Variants in KATNBL1 observed in about 807,000 individuals in gnomAD.
KATNBL1 encodes the protein katanin regulatory subunit B1 like 1.
KATNBL1 carries 28 observed loss-of-function variants against 44.7 expected under a neutral mutation model. The ratio of observed to expected loss-of-function variants is 0.63; its 90% CI spans 0.46 to 0.86. The LOEUF (loss-of-function observed/expected upper bound fraction) is 0.86. KATNBL1 is among the 40% of genes least tolerant of loss of function. KATNBL1 has a pLI of 0.00. For missense variants in KATNBL1, 272 were observed against 350.7 expected, an observed-to-expected ratio of 0.78 and a Z score of 1.79; for synonymous variants, 78 against 114.9, an observed-to-expected ratio of 0.68 and a Z score of 2.06.
chr15:34,147,128 T>A lies in KATNBL1; in HGVS notation c.698+72A>T, dbSNP rs1033051576. The A allele has an allele frequency of 1.1e-5, 10 of 903,636 alleles. No individual in the cohort carries two copies. The African/African-American group carries it at 1.3e-4, about 12-fold the overall frequency. The allele number at this position is 903,636 out of a possible 1,614,324, so 56.0% of individuals were successfully genotyped here. A position where few individuals can be genotyped will look rare whatever the true frequency, so the allele number is the denominator to read the frequency against. On this transcript the variant is annotated intron_variant, in intron 7 of 9. Coordinates refer to ENST00000256544, the MANE Select transcript of KATNBL1 (RefSeq NM_024713.3). Reference sequence around the variant, plus strand: ...GCATGTCTCATGGAGCCCAATCTACTATGTACTCACAAAGCACAAAATCAA... The same window carrying A: ...GCATGTCTCATGGAGCCCAATCTACAATGTACTCACAAAGCACAAAATCAA...
At chr15:34,151,803 A>T (rs370517179) in intron 4 of KATNBL1, among the ~76,000 whole-genome samples, 2 of 152,026 alleles carry the variant, frequency 1.3e-5, no homozygotes, top group Non-Finnish European at 2.9e-5. Flanking sequence ...CACTCTCAAA[A>T]ACGCTTTTGA....
chr15:34,169,751 G>A (rs575716424), intron 1 of KATNBL1, among the ~76,000 whole-genome samples: 6 of 152,208 alleles, frequency 3.9e-5, no homozygotes, highest in South Asian at 2.1e-4. Context: ...CGATCAAGTC[G>A]GCTTCATCCC....
intron 9 of KATNBL1, among the ~76,000 whole-genome samples, chr15:34,144,131 T>C (rs1043858241): frequency 6.6e-6 from 1 of 151,828 alleles, no homozygotes; most frequent in African/African-American, 2.4e-5. Flanking sequence ...AGAGCTCCTC[T>C]GTGGCTGTCA....
intron 2 of KATNBL1, among the ~76,000 whole-genome samples, chr15:34,162,041 A>C (rs1888823575): frequency 6.6e-6 from 1 of 152,218 alleles, no homozygotes; most frequent in Admixed American, 6.5e-5. Context: ...AACAAATCTA[A>C]AATTCAACAG....
chr15:34,154,541 G>A (rs780094719), intron 3 of KATNBL1, 103 bp downstream of exon 3: 8 of 759,584 alleles, frequency 1.1e-5, no homozygotes, highest in Non-Finnish European at 1.8e-5. Context: ...TTGACAATAA[G>A]TTAATTATTA....
Position 34,163,749 on chromosome 15 carries a change from C to T in KATNBL1, c.-14-59G>A, listed in dbSNP as rs1009930281. ...GCAAAAAGAGTCTGATCATTTTTAACACACACACAAACATACAACAGTAGC... is the reference window on the plus strand; with the variant it reads ...GCAAAAAGAGTCTGATCATTTTTAATACACACACAAACATACAACAGTAGC... On this transcript the variant is annotated intron_variant, in intron 1 of 9. Coordinates refer to ENST00000256544, the MANE Select transcript of KATNBL1 (RefSeq NM_024713.3). 3.2e-6 allele frequency: 3 copies of T among 939,594 alleles called. 1 individual carries two copies. The highest frequency in any genetic ancestry group is 4.8e-6 in the Non-Finnish European group (3 of 628,648). 58.2% of individuals were successfully genotyped at this position (939,594 alleles called of 1,614,324 possible).
At chr15:34,152,423 C>CA (rs1221297057) in intron 4 of KATNBL1, among the ~76,000 whole-genome samples, 1 of 152,146 alleles carries the variant, frequency 6.6e-6, no homozygotes. Context: ...AGGCTGGTCT[C>CA]AAACGCCTAA....
chr15:34,174,533 C>G (rs1889264092), intron 1 of KATNBL1, among the ~76,000 whole-genome samples: 2 of 152,046 alleles, frequency 1.3e-5, no homozygotes, highest in African/African-American at 4.8e-5. Context: ...AATTAAAAGC[C>G]AGAGATTGAT....
chr15:34,143,363 G>T (rs748260752), intron 9 of KATNBL1, among the ~76,000 whole-genome samples: 34 of 151,998 alleles, frequency 2.2e-4, no homozygotes, highest in Admixed American at 8.5e-4. Context: ...TACTCGGGAG[G>T]CTGAGGCAGG....
intron 1 of KATNBL1, among the ~76,000 whole-genome samples, chr15:34,181,711 TGG>T (rs67267675): frequency 0.3 from 4,344 of 14,690 alleles, 1,777 homozygotes; most frequent in South Asian, 0.45. Context: ...TCCATATATA[TGG>T]ACATATATAT....
chr15:34,165,757 G>A (rs1014736098), intron 1 of KATNBL1, among the ~76,000 whole-genome samples: 1 of 152,116 alleles, frequency 6.6e-6, no homozygotes, highest in Non-Finnish European at 1.5e-5. Context: ...TCATGCCACT[G>A]CACTCCAGCC....
At chr15:34,146,566 G>T in intron 8 of KATNBL1, 195 bp downstream of exon 8, 1 of 529,658 alleles carries the variant, frequency 1.9e-6, no homozygotes, top group Non-Finnish European at 3.4e-6. Context: ...GATACAGGAG[G>T]TTAGTAGGCT....
At chr15:34,174,900 C>T (rs982985804) in intron 1 of KATNBL1, among the ~76,000 whole-genome samples, 1 of 152,048 alleles carries the variant, frequency 6.6e-6, no homozygotes, top group South Asian at 2.1e-4. Context: ...CCTCAGCCTC[C>T]CAAAGTGCCG....
At chr15:34,143,795 A>C (rs12907063) in intron 9 of KATNBL1, among the ~76,000 whole-genome samples, 1 of 52,082 alleles carries the variant, frequency 1.9e-5, no homozygotes, top group Non-Finnish European at 3.8e-5. Context: ...TAAAAATACA[A>C]AAAAAAAAAA....
At chr15:34,181,639 TAC>T (rs1889539471) in intron 1 of KATNBL1, among the ~76,000 whole-genome samples, 1 of 125,274 alleles carries the variant, frequency 8.0e-6, no homozygotes. Flanking sequence ...TCCATATATA[TAC>T]ACATATATAT....
chr15:34,172,052 G>A (rs768090385), intron 1 of KATNBL1, among the ~76,000 whole-genome samples: 22 of 151,932 alleles, frequency 1.4e-4, no homozygotes, highest in Non-Finnish European at 2.9e-4. Context: ...TGCATGTTGT[G>A]CACATGTACC....
At chr15:34,172,760 G>GACACACACACAC (rs34182114) in intron 1 of KATNBL1, among the ~76,000 whole-genome samples, 35 of 146,546 alleles carry the variant, frequency 2.4e-4, no homozygotes, top group African/African-American at 6.5e-4. Context: ...CACAGACACA[G>GACACACACACAC]ACACACACAC....
At chr15:34,148,540 A>G in intron 5 of KATNBL1, 92 bp downstream of exon 5, 1 of 716,574 alleles carries the variant, frequency 1.4e-6, no homozygotes, top group Non-Finnish European at 2.5e-6. Context: ...GTGAGCCATG[A>G]TTGTGCCACT....
chr15:34,160,215 T>C (rs1308821805), intron 2 of KATNBL1, among the ~76,000 whole-genome samples: 1 of 152,212 alleles, frequency 6.6e-6, no homozygotes, highest in Non-Finnish European at 1.5e-5. Flanking sequence ...CTTTACTCTT[T>C]TGTACCCTTC....
Sources: gnomAD v4.1 joint callset for allele counts (sites outside exome capture counted in the v4.1 genomes callset) on GRCh38, gnomAD v4.1.1 for gene constraint, MANE v1.5 for transcripts, NCBI Gene and HGNC (gene_info 2026-07-23, HGNC 2026-07-21) for gene names.